The following TAB2 variants were observed in gnomAD, a reference collection of about 807,000 sequenced individuals.
TAB2 encodes the protein TGF-beta activated kinase 1 (MAP3K7) binding protein 2.
TAB2 carries 3 observed loss-of-function variants against 65.0 expected under a neutral mutation model. The observed-to-expected ratio is 0.05, with a 90% CI of 0.02 to 0.12. TAB2 has a LOEUF of 0.12. Among genes scored for constraint, TAB2 ranks in the 10% least tolerant of loss-of-function variants. TAB2 has a pLI of 1.00. For synonymous variants in TAB2, 298 were observed against 285.1 expected, an observed-to-expected ratio of 1.05 and a Z score of -0.46; for missense variants, 623 against 840.3, an observed-to-expected ratio of 0.74 and a Z score of 3.20.
At chr6:149,360,242 A>G (rs189713882) in intron 1 of TAB2, among the ~76,000 whole-genome samples, 7 of 152,076 alleles carry the variant, frequency 4.6e-5, no homozygotes, top group African/African-American at 1.7e-4. Flanking sequence ...TTGCATTGCT[A>G]TAAAGAAGTA....
At chr6:149,227,179 T>C (rs1777298588) in intron 1 of TAB2, among the ~76,000 whole-genome samples, 1 of 152,210 alleles carries the variant, frequency 6.6e-6, no homozygotes, top group Non-Finnish European at 1.5e-5. Flanking sequence ...TCTTCTTTCC[T>C]GGTTATATGA....
chr6:149,309,403 C>CTTTTT lies in TAB2; in HGVS notation c.-120-68604_-120-68600dup, dbSNP rs565648269. Among the ~76,000 whole-genome samples the CTTTTT allele has an allele frequency of 1.7e-3, 243 of 141,154 alleles. 4 individuals are homozygous for CTTTTT. Among genetic ancestry groups the CTTTTT allele is most frequent in the African/African-American group, 6.2e-3 (232 of 37,268 alleles). 92.6% of individuals were successfully genotyped at this position (141,154 alleles called of 152,430 possible). On this transcript the variant is annotated intron_variant, in intron 1 of 1. Transcript: ENST00000606202. Reference sequence around the variant, plus strand: ...CCCCACCCCAACACCAATAATTCCTCTTTTTTTTTTTTTTTGAGACAGAGG... The same window carrying CTTTTT: ...CCCCACCCCAACACCAATAATTCCTCTTTTTTTTTTTTTTTTTTTTGAGACAGAGG...
chr6:149,297,668 G>A (rs1778900892), intron 1 of TAB2, among the ~76,000 whole-genome samples: 1 of 151,974 alleles, frequency 6.6e-6, no homozygotes, highest in African/African-American at 2.4e-5. Context: ...AGGACTATAG[G>A]GGTATGCCAC....
intron 1 of TAB2, among the ~76,000 whole-genome samples, chr6:149,271,222 A>T (rs9285517): frequency 0.49 from 74,433 of 151,128 alleles, 19,105 homozygotes; most frequent in East Asian, 0.69. Flanking sequence ...AAATATATAT[A>T]TTTTTTAAAA....
chr6:149,281,738 CAA>C (rs372963285), intron 1 of TAB2, among the ~76,000 whole-genome samples: 1 of 151,262 alleles, frequency 6.6e-6, no homozygotes, highest in African/African-American at 2.4e-5. Flanking sequence ...AATTAAAAGA[CAA>C]AGATTCCCAG....
rs533205014 is a variant in TAB2 at position 149,264,048 on chromosome 6, T to C, written c.-121+45272T>C. Among the ~76,000 whole-genome samples the C allele has an allele frequency of 1.2e-4, 19 of 152,330 alleles. No individual in the cohort carries two copies. In the South Asian group the frequency reaches 2.3e-3, roughly 18 times the overall value. ...CAATGCCTATTCTGCATGCCCATCATGGGAATTCAGAGACGCACAGGCAGG... is the reference window on the plus strand; with the variant it reads ...CAATGCCTATTCTGCATGCCCATCACGGGAATTCAGAGACGCACAGGCAGG... On this transcript the variant is annotated intron_variant, in intron 1 of 1. Transcript: ENST00000606202.
intron 1 of TAB2, among the ~76,000 whole-genome samples, chr6:149,311,422 C>T (rs1237941975): frequency 6.6e-6 from 1 of 152,214 alleles, no homozygotes; most frequent in Non-Finnish European, 1.5e-5. Flanking sequence ...CTTAAACTGT[C>T]TACCCGTTTT....
chr6:149,360,778 T>C (rs1780819443), intron 1 of TAB2, among the ~76,000 whole-genome samples: 1 of 152,178 alleles, frequency 6.6e-6, no homozygotes, highest in Non-Finnish European at 1.5e-5. Flanking sequence ...CCTATGAGTC[T>C]GTAAAATCAA....
chr6:149,240,034 GC>G (rs1194614400), intron 1 of TAB2, among the ~76,000 whole-genome samples: 1 of 135,094 alleles, frequency 7.4e-6, no homozygotes, highest in Non-Finnish European at 1.7e-5. Flanking sequence ...ATTGAAAGTA[GC>G]AGAAAGCAGC....
At position 149,323,497 on chromosome 6, in the gene TAB2, C is replaced by T. The variant is rs143444941; in HGVS notation, c.-90+5482C>T. Among the ~76,000 whole-genome samples the T allele has an allele frequency of 1.6e-4, 24 of 151,596 alleles. 1 individual carries two copies. In the East Asian group the frequency reaches 4.5e-3, roughly 28 times the overall value. Reference sequence around the variant, plus strand: ...TGTCCTGGTTTTATGGATTAAATAGCTTGGTCGTTTACTTACATTTCTGTG... The same window carrying T: ...TGTCCTGGTTTTATGGATTAAATAGTTTGGTCGTTTACTTACATTTCTGTG... On this transcript the variant is annotated intron_variant, in intron 1 of 6. Coordinates refer to ENST00000637181, the MANE Select transcript of TAB2 (RefSeq NM_001292034.3).
intron 1 of TAB2, among the ~76,000 whole-genome samples, chr6:149,295,933 G>A (rs765182645): frequency 7.9e-5 from 12 of 151,928 alleles, no homozygotes; most frequent in Non-Finnish European, 1.6e-4. Flanking sequence ...TACTACACCC[G>A]GCTAATTTTT....
At position 149,397,996 on chromosome 6, in the gene TAB2, T is replaced by A; in HGVS notation, c.1792T>A (p.Cys598Ser). Residue 598 changes from cysteine (C) to serine (S), a missense_variant, in exon 5 of 7, where the codon TGT becomes AGT. Transcript: ENST00000637181. ...TGAAGAAATGCAGCAGCTGAGAAGT[T>A]GTAATAGACAACTCCAGATTGACAT... ...SLEEMQQLRS[C>S]NRQLQIDIDC... 6.2e-7 allele frequency: 1 copy of A among 1,613,846 alleles called. No individual in the cohort carries two copies. Among genetic ancestry groups the A allele is most frequent in the Non-Finnish European group, 8.5e-7 (1 of 1,179,942 alleles).
At chr6:149,381,191 A>G (rs773928736) in intron 3 of TAB2, among the ~76,000 whole-genome samples, 5 of 152,232 alleles carry the variant, frequency 3.3e-5, no homozygotes, top group African/African-American at 7.2e-5. Context: ...TTAGGGGTAC[A>G]TGAGTGATTT....
At chr6:149,275,225 G>GGGAGAGA (rs1778438540) in intron 1 of TAB2, among the ~76,000 whole-genome samples, 1 of 97,442 alleles carries the variant, frequency 1.0e-5, no homozygotes, top group East Asian at 3.1e-4. Flanking sequence ...GGGGGAGGGG[G>GGGAGAGA]GAGAGAGAGA....
At chr6:149,220,662 G>A (rs1777123855) in intron 1 of TAB2, 1 of 152,160 alleles carries the variant, frequency 6.6e-6, no homozygotes, top group South Asian at 2.1e-4. Flanking sequence ...CTGTCGCCTA[G>A]GCTGGAGTGC....
chr6:149,342,286 G>T (rs1313972153), intron 1 of TAB2, among the ~76,000 whole-genome samples: 2 of 152,126 alleles, frequency 1.3e-5, no homozygotes, highest in African/African-American at 2.4e-5. Flanking sequence ...TTGGAAATAC[G>T]ATAGTGAAAG....
At chr6:149,377,719 A>G (rs1045798012) in intron 2 of TAB2, among the ~76,000 whole-genome samples, 4 of 152,134 alleles carry the variant, frequency 2.6e-5, no homozygotes, top group African/African-American at 4.8e-5. Context: ...TGCCTTTTTA[A>G]TTAGGTTATA....
At chr6:149,386,361 G>A (rs1209586113) in intron 3 of TAB2, among the ~76,000 whole-genome samples, 2 of 152,040 alleles carry the variant, frequency 1.3e-5, no homozygotes. Flanking sequence ...TTTATTCACT[G>A]ATATGTGCAG....
Position 149,357,430 on chromosome 6 carries a change from A to AACACACACAC in TAB2, c.-89-12451_-89-12442dup, listed in dbSNP as rs1554261742. On this transcript the variant is annotated intron_variant, in intron 1 of 6. Transcript: ENST00000637181. The stretch of plus-strand genomic sequence containing the variant: ...GACTCCGTCTCAAGGAGAAAAAAAA[A>AACACACACAC]ACACACACACACACACACACACACA... 8.2e-4 allele frequency among the ~76,000 whole-genome samples: 91 copies of AACACACACAC among 110,778 alleles called. 1 individual carries two copies. The highest frequency in any genetic ancestry group is 5.0e-3 in the Middle Eastern group (1 of 202). The allele number at this position is 110,778 out of a possible 152,430, so 72.7% of individuals were successfully genotyped here. A position where few individuals can be genotyped will look rare whatever the true frequency, so the allele number is the denominator to read the frequency against.
Sources: allele counts gnomAD v4.1 joint callset (sites outside exome capture counted in the v4.1 genomes callset), GRCh38; gene constraint gnomAD v4.1.1; transcripts MANE v1.5; gene names NCBI Gene and HGNC (gene_info 2026-07-23, HGNC 2026-07-21).